The following STIM2 variants were observed in gnomAD, a reference collection of about 807,000 sequenced individuals.
STIM2 encodes the protein stromal interaction molecule 2.
In STIM2, 31 loss-of-function variants were observed where a neutral mutation model predicts 85.8. The observed-to-expected ratio is 0.36, with a 90% confidence interval of 0.27 to 0.49. The LOEUF (loss-of-function observed/expected upper bound fraction) is 0.49, where lower values mean the gene tolerates loss of function less well. Ranked by LOEUF, STIM2 falls within the 20% of genes least tolerant of loss-of-function variation. The pLI, the probability that STIM2 is intolerant of heterozygous loss-of-function variation, is 0.98. For missense variants in STIM2, 841 were observed against 927.6 expected (o/e 0.91, Z 1.21); for synonymous variants, 356 against 331.1 (o/e 1.08, Z -0.82).
intron 2 of STIM2, among the ~76,000 whole-genome samples, chr4:26,923,212 G>A (rs1205810508): frequency 8.6e-5 from 13 of 151,458 alleles, no homozygotes; most frequent in Non-Finnish European, 1.6e-4. Context: ...CATCTACACC[G>A]AAAACCCATC....
At chr4:26,879,892 G>A (rs923118258) in intron 1 of STIM2, among the ~76,000 whole-genome samples, 1 of 152,106 alleles carries the variant, frequency 6.6e-6, no homozygotes, top group African/African-American at 2.4e-5. Context: ...ATTATGTCTT[G>A]AGTTTCTCTG....
At chr4:26,897,923 C>A (rs1314867773) in intron 1 of STIM2, among the ~76,000 whole-genome samples, 1 of 152,076 alleles carries the variant, frequency 6.6e-6, no homozygotes, top group Non-Finnish European at 1.5e-5. Context: ...ACCACCATGC[C>A]TGACTAATTT....
At chr4:26,989,667 G>A (rs1049876899) in intron 3 of STIM2, among the ~76,000 whole-genome samples, 2 of 152,170 alleles carry the variant, frequency 1.3e-5, no homozygotes, top group Non-Finnish European at 2.9e-5. Flanking sequence ...AAGGGAAGAC[G>A]TCAAATTATC....
At chr4:26,900,829 T>C (rs1205313643) in intron 1 of STIM2, among the ~76,000 whole-genome samples, 1 of 152,220 alleles carries the variant, frequency 6.6e-6, no homozygotes, top group Non-Finnish European at 1.5e-5. Flanking sequence ...GTGTTTGTAG[T>C]GTCTTATCCC....
At chr4:26,963,942 C>T (rs1475430953) in intron 3 of STIM2, among the ~76,000 whole-genome samples, 2 of 152,136 alleles carry the variant, frequency 1.3e-5, no homozygotes, top group East Asian at 1.9e-4. Flanking sequence ...TAGTGCATAA[C>T]CATCTCATGT....
chr4:26,900,921 AC>A (rs1329704953), intron 1 of STIM2, among the ~76,000 whole-genome samples: 1 of 151,988 alleles, frequency 6.6e-6, no homozygotes, highest in Non-Finnish European at 1.5e-5. Context: ...CAGACTGCAG[AC>A]CCCTCTTCCC....
chr4:26,906,677 C>T (rs1003157581), intron 1 of STIM2, among the ~76,000 whole-genome samples: 1 of 151,964 alleles, frequency 6.6e-6, no homozygotes, highest in African/African-American at 2.4e-5. Flanking sequence ...GCATGTGATA[C>T]CTCATTTGGA....
At chr4:26,922,489 A>G (rs1334795781) in intron 2 of STIM2, among the ~76,000 whole-genome samples, 1 of 152,158 alleles carries the variant, frequency 6.6e-6, no homozygotes, top group African/African-American at 2.4e-5. Context: ...GAACTCAGGA[A>G]AACACTTTAC....
chr4:26,872,111 A>G (rs1722641285), intron 1 of STIM2, among the ~76,000 whole-genome samples: 1 of 152,182 alleles, frequency 6.6e-6, no homozygotes, highest in Admixed American at 6.5e-5. Flanking sequence ...CAGAGGTAGG[A>G]TAGTTGTAGA....
intron 1 of STIM2, chr4:26,861,694 G>GTTT: frequency 1.2e-5 from 2 of 161,126 alleles, no homozygotes; most frequent in Non-Finnish European, 1.2e-5. Context: ...GGACTGGGCT[G>GTTT]ATTTTTTTTT....
rs1385623921 is a variant in STIM2, at chr4:27,010,227, C to T, written c.1489+1225C>T. On this transcript the variant is annotated intron_variant, in intron 10 of 11. Transcript: ENST00000467087. ...TTGGGAGGCTGAGGCAGGCAGGTCA[C>T]TAGGTCAGGAGTTCAAGACCAGCCT... 2.6e-5 allele frequency among the ~76,000 whole-genome samples: 4 copies of T among 152,102 alleles called. No individual in the cohort carries two copies. In the East Asian group the frequency reaches 7.7e-4, roughly 29 times the overall value.
chr4:26,905,816 T>C (rs1724102718), intron 1 of STIM2, among the ~76,000 whole-genome samples: 1 of 152,164 alleles, frequency 6.6e-6, no homozygotes, highest in Admixed American at 6.6e-5. Context: ...CATTAAGAAC[T>C]TGCATTACTT....
intron 2 of STIM2, among the ~76,000 whole-genome samples, chr4:26,934,054 C>T (rs1023896922): frequency 2.0e-5 from 3 of 151,832 alleles, no homozygotes; most frequent in Admixed American, 6.6e-5. Flanking sequence ...ATTAGCCGGG[C>T]GTGGTGGCAC....
At chr4:27,001,846 T>C (rs146656343) in intron 5 of STIM2, among the ~76,000 whole-genome samples, 436 of 151,934 alleles carry the variant, frequency 2.9e-3, no homozygotes, top group African/African-American at 0.01. Flanking sequence ...AGGAAGGGAG[T>C]TGGGATGATG....
intron 11 of STIM2, chr4:27,021,173 C>T (rs1229049476): frequency 8.9e-6 from 9 of 1,010,018 alleles, no homozygotes; most frequent in Middle Eastern, 2.2e-4. Flanking sequence ...AAGTACCTAC[C>T]GTAAACTTGC....
chr4:26,943,124 G>A (rs533276538), intron 2 of STIM2, among the ~76,000 whole-genome samples: 5 of 152,012 alleles, frequency 3.3e-5, no homozygotes, highest in Admixed American at 6.6e-5. Flanking sequence ...ATTGTTGATC[G>A]TTGCTGGGAT....
intron 3 of STIM2, among the ~76,000 whole-genome samples, chr4:26,979,950 A>T (rs1727322422): frequency 6.6e-6 from 1 of 152,068 alleles, no homozygotes; most frequent in Non-Finnish European, 1.5e-5. Context: ...TTTTATAGAG[A>T]TGGGGGTCTC....
chr4:26,945,369 A>G (rs1350627517), intron 2 of STIM2, among the ~76,000 whole-genome samples: 2 of 152,074 alleles, frequency 1.3e-5, no homozygotes, highest in Admixed American at 6.6e-5. Context: ...GGTTGATTCC[A>G]TGTCTTTACT....
In STIM2 at chr4:27,017,948, A is replaced by G; in HGVS notation, c.1727A>G (p.Glu576Gly). 6.2e-7 allele frequency: 1 copy of G among 1,614,092 alleles called. No homozygotes were observed. Among genetic ancestry groups the G allele is most frequent in the Non-Finnish European group, 8.5e-7 (1 of 1,180,010 alleles). ...CCTGCGCTTTATCGAAATGAAGAGG[A>G]GGAAGAGGCCATTTACTTCTCTGCT... The change falls in exon 11 of 12, where the codon GAG becomes GGG. Residue 576 changes from glutamate to glycine, a missense_variant. Around this residue, in one of 3 missense-constraint regions of STIM2, gnomAD observed 293 missense variants for 284.5 expected, o/e 1.03. Coordinates refer to ENST00000467087, the MANE Select transcript of STIM2 (RefSeq NM_020860.4).
Sources: allele counts gnomAD v4.1 joint callset (sites outside exome capture counted in the v4.1 genomes callset), GRCh38; gene constraint gnomAD v4.1.1; regional missense constraint gnomAD v4.1.1; transcripts MANE v1.5; gene names NCBI Gene and HGNC (gene_info 2026-07-23, HGNC 2026-07-21).